CACNA1D: variants seen among roughly 807,000 people sequenced by gnomAD.
The protein encoded by CACNA1D is voltage-dependent L-type calcium channel subunit alpha-1D.
Under a neutral mutation model 257.1 loss-of-function variants are expected in CACNA1D, and 55 were observed. That is an observed-to-expected ratio of 0.21 (90% CI 0.17 to 0.27). CACNA1D has a LOEUF of 0.27. Among genes scored for constraint, CACNA1D ranks in the 10% least tolerant of loss-of-function variants. CACNA1D has a pLI of 1.00. For synonymous variants in CACNA1D, 980 were observed against 1,014.9 expected, an observed-to-expected ratio of 0.97 and a Z score of 0.65; for missense variants, 1,876 against 2,784.0, an observed-to-expected ratio of 0.67 and a Z score of 7.34.
chr3:53,555,281 TG>T (rs1337817250), intron 3 of CACNA1D, among the ~76,000 whole-genome samples: 1 of 152,148 alleles, frequency 6.6e-6, no homozygotes, highest in Admixed American at 6.5e-5. Flanking sequence ...TTTACAAAGC[TG>T]TGGAAAATAT....
intron 3 of CACNA1D, among the ~76,000 whole-genome samples, chr3:53,587,789 G>A (rs575527001): frequency 1.8e-4 from 28 of 152,288 alleles, no homozygotes; most frequent in African/African-American, 6.5e-4. Context: ...TGTTCTGCGG[G>A]TCCCAGAGAA....
At chr3:53,562,660 C>T (rs564501019) in intron 3 of CACNA1D, among the ~76,000 whole-genome samples, 1 of 152,074 alleles carries the variant, frequency 6.6e-6, no homozygotes, top group Non-Finnish European at 1.5e-5. Flanking sequence ...TGCCTCCCCC[C>T]CCAAATTCTC....
At chr3:53,763,491 C>G (rs1400555369) in intron 30 of CACNA1D, among the ~76,000 whole-genome samples, 1 of 152,180 alleles carries the variant, frequency 6.6e-6, no homozygotes, top group Non-Finnish European at 1.5e-5. Flanking sequence ...AGTTCATCAG[C>G]AAGTCTTAGT....
rs1284620425 is a variant in CACNA1D at position 53,751,516 on chromosome 3, C to T, written c.3517-233C>T. 1.3e-5 allele frequency among the ~76,000 whole-genome samples: 2 copies of T among 152,196 alleles called. No individual in the cohort carries two copies. The highest frequency in any genetic ancestry group is 4.8e-5 in the African/African-American group (2 of 41,442). On this transcript the variant is annotated intron_variant, in intron 27 of 47. Transcript: ENST00000350061. The surrounding 1 kb of genome is among the most constrained non-coding windows in gnomAD (Gnocchi z 4.3). ...AAATGGAAGCCACATGGGTAGGCAC[C>T]CAGCTTACCCGGAGCTTGCTGGGAG... is the stretch of plus-strand genomic sequence containing the variant.
rs1322364020 is a variant in CACNA1D, at chr3:53,740,280, A to G, written c.2752A>G (p.Ile918Val). The change falls in exon 21 of 48, where the codon ATA becomes GTA. Residue 918 changes from isoleucine to valine, a missense_variant and splice_region_variant. This residue lies in a region of CACNA1D where 271 missense variants were observed against 425.5 expected (regional missense o/e 0.64). Transcript: ENST00000350061. ...CACTCCCACATGTTGTGCCTTGCAGATACTGGGTTACTTTGACTATGCCTT... is the reference window on the plus strand; with the variant it reads ...CACTCCCACATGTTGTGCCTTGCAGGTACTGGGTTACTTTGACTATGCCTT... The part of the protein sequence containing the change: ...PIRSHSFRNT[I>V]LGYFDYAFTA... 1 of 1,608,560 alleles carries G rather than the reference A, an allele frequency of 6.2e-7. No individual in the cohort carries two copies. The highest frequency in any genetic ancestry group is 1.3e-5 in the African/African-American group (1 of 74,930).
Position 53,679,989 on chromosome 3 carries a change from A to T in CACNA1D, c.1220+6863A>T, listed in dbSNP as rs1391553577. Among the ~76,000 whole-genome samples the T allele has an allele frequency of 2.0e-5, 3 of 152,216 alleles. No homozygotes were observed. The East Asian group carries it at 5.8e-4, about 29-fold the overall frequency. ...AAAGAACCTAGCTAAACATTTATAT[A>T]TACTTTTGAACACTGAACTTTCTTG... On this transcript the variant is annotated intron_variant, in intron 8 of 47. Coordinates refer to ENST00000350061, the MANE Select transcript of CACNA1D (RefSeq NM_001128840.3).
chr3:53,662,981 G>A (rs2094219989), intron 5 of CACNA1D, among the ~76,000 whole-genome samples: 1 of 152,186 alleles, frequency 6.6e-6, no homozygotes, highest in Non-Finnish European at 1.5e-5. Flanking sequence ...TCCTTTCCAT[G>A]TGTTCCTTGT....
intron 10 of CACNA1D, 124 bp downstream of exon 10, chr3:53,718,512 G>T (rs1384644270): frequency 9.4e-7 from 1 of 1,068,756 alleles, no homozygotes; most frequent in East Asian, 2.6e-5. Flanking sequence ...GGGTGGGAAG[G>T]CTCCTCGTAC....
Position 53,495,128 on chromosome 3 carries a change from G to T in CACNA1D, c.-39G>T. On this transcript the variant is annotated 5_prime_UTR_variant, in exon 1 of 48. Transcript: ENST00000350061. This position sits in a 1 kb window ranked among gnomAD's most constrained non-coding sequence, Gnocchi z 5.1. ...CGCCCCCGCCTCAACGCCCAGCACA[G>T]TGCCCTGCACACAGTAGTCGCTCAA... is the stretch of plus-strand genomic sequence containing the variant. The T allele has an allele frequency of 9.1e-7, 1 of 1,103,502 alleles. No individual in the cohort carries two copies. Among genetic ancestry groups the T allele is most frequent in the Non-Finnish European group, 1.3e-6 (1 of 774,660 alleles). 68.4% of individuals were successfully genotyped at this position (1,103,502 alleles called of 1,614,324 possible).
intron 40 of CACNA1D, chr3:53,796,530 AGGCAGGAGAAACTTAACCCTAAAAGTG>A (rs1559703328): frequency 2.7e-6 from 1 of 368,110 alleles, no homozygotes; most frequent in African/African-American, 2.1e-5. Context: ...AAATGCATCT[AGGCAGGAGAAACTTAACCCTAAAAGTG>A]GGCAGGAGAA....
intron 39 of CACNA1D, chr3:53,786,492 A>T: frequency 3.2e-6 from 1 of 310,718 alleles, no homozygotes; most frequent in Non-Finnish European, 6.1e-6. Context: ...TTTGTTTTGT[A>T]ATTTTTATTT....
intron 29 of CACNA1D, among the ~76,000 whole-genome samples, chr3:53,756,358 G>C (rs1467236211): frequency 2.0e-5 from 3 of 152,232 alleles, no homozygotes; most frequent in African/African-American, 7.2e-5. Context: ...CCCAGAGGGA[G>C]GTGGGAAGTA....
At chr3:53,642,095 G>C (rs2093959818) in intron 3 of CACNA1D, among the ~76,000 whole-genome samples, 1 of 152,140 alleles carries the variant, frequency 6.6e-6, no homozygotes. Flanking sequence ...GGGAGAGAAG[G>C]GAATTTTTGA....
intron 3 of CACNA1D, among the ~76,000 whole-genome samples, chr3:53,615,433 A>G (rs1199854591): frequency 6.6e-6 from 1 of 152,110 alleles, no homozygotes; most frequent in Non-Finnish European, 1.5e-5. Context: ...AGATTAACCC[A>G]CCCTTTCCTG....
At chr3:53,614,085 A>C (rs1576092151) in intron 3 of CACNA1D, among the ~76,000 whole-genome samples, 1 of 143,384 alleles carries the variant, frequency 7.0e-6, no homozygotes, top group South Asian at 2.2e-4. Flanking sequence ...TGAGCCTAGG[A>C]GTTCAAGACC....
chr3:53,591,940 C>T (rs2107810839), intron 3 of CACNA1D, among the ~76,000 whole-genome samples: 1 of 152,266 alleles, frequency 6.6e-6, no homozygotes, highest in South Asian at 2.1e-4. Context: ...GGCTCTCCAC[C>T]TTCTCTGCCC....
At chr3:53,564,666 C>G (rs1445435414) in intron 3 of CACNA1D, among the ~76,000 whole-genome samples, 1 of 152,018 alleles carries the variant, frequency 6.6e-6, no homozygotes, top group African/African-American at 2.4e-5. Context: ...TTATGGAGTA[C>G]TTTGTATATC....
intron 9 of CACNA1D, among the ~76,000 whole-genome samples, chr3:53,717,798 T>C (rs528093227): frequency 6.6e-6 from 1 of 152,316 alleles, no homozygotes; most frequent in South Asian, 2.1e-4. Flanking sequence ...AAAAATGTTG[T>C]GCATGGTACC....
chr3:53,795,005 G>A (rs1293766632), intron 40 of CACNA1D, among the ~76,000 whole-genome samples: 2 of 152,140 alleles, frequency 1.3e-5, no homozygotes, highest in Non-Finnish European at 2.9e-5. Flanking sequence ...GCCCTAACTG[G>A]AGCCCTTCTC....
Sources: gnomAD v4.1 joint callset for allele counts (sites outside exome capture counted in the v4.1 genomes callset) on GRCh38, gnomAD v4.1.1 for gene constraint, gnomAD v4.1.1 regional missense constraint, Gnocchi (gnomAD v3.1) non-coding constraint, MANE v1.5 for transcripts, NCBI Gene and HGNC (gene_info 2026-07-23, HGNC 2026-07-21) for gene names.